Variants in GABBR2 observed in about 807,000 individuals in gnomAD.
GABBR2 encodes gamma-aminobutyric acid type B receptor subunit 2, also known as G-protein coupled receptor 51.
A neutral mutation model predicts 105.6 loss-of-function variants in GABBR2; 23 were observed. The observed-to-expected ratio is 0.22, with a 90% CI of 0.16 to 0.31. The LOEUF is 0.31. Among genes scored for constraint, GABBR2 ranks in the 10% least tolerant of loss-of-function variants. The pLI is 1.00. For missense variants in GABBR2, 734 were observed against 1,245.5 expected, an observed-to-expected ratio of 0.59 and a Z score of 6.18; for synonymous variants, 478 against 499.7, an observed-to-expected ratio of 0.96 and a Z score of 0.58.
chr9:98,523,335 T>G (rs913954313), intron 3 of GABBR2, among the ~76,000 whole-genome samples: 1 of 152,184 alleles, frequency 6.6e-6, no homozygotes, highest in South Asian at 2.1e-4. Context: ...AACAAGATAA[T>G]GGGATGCTCT....
At chr9:98,518,078 A>T (rs2808567) in intron 3 of GABBR2, among the ~76,000 whole-genome samples, 10 of 152,190 alleles carry the variant, frequency 6.6e-5, no homozygotes, top group African/African-American at 2.2e-4. Context: ...GGTATTTTTT[A>T]CCTTGGCTGC....
intron 11 of GABBR2, among the ~76,000 whole-genome samples, chr9:98,384,179 G>C (rs1158076950): frequency 6.6e-6 from 1 of 152,160 alleles, no homozygotes; most frequent in African/African-American, 2.4e-5. Context: ...ACTCTAAAGA[G>C]ACCCAGCTGG....
At chr9:98,542,634 AAT>A (rs1397408652) in intron 2 of GABBR2, among the ~76,000 whole-genome samples, 2 of 152,224 alleles carry the variant, frequency 1.3e-5, no homozygotes, top group African/African-American at 2.4e-5. Context: ...CCAGATAAAG[AAT>A]ATGAGTCTTT....
At chr9:98,520,579 C>T (rs1827848055) in intron 3 of GABBR2, among the ~76,000 whole-genome samples, 1 of 152,214 alleles carries the variant, frequency 6.6e-6, no homozygotes, top group South Asian at 2.1e-4. Context: ...ACGCCTGCTG[C>T]CCACGTCTGC....
At chr9:98,414,019 T>C (rs575758008) in intron 7 of GABBR2, among the ~76,000 whole-genome samples, 16 of 152,348 alleles carry the variant, frequency 1.1e-4, no homozygotes, top group African/African-American at 2.6e-4. Flanking sequence ...TGGGCACCTA[T>C]GATGTGCCAG....
intron 3 of GABBR2, among the ~76,000 whole-genome samples, chr9:98,535,908 A>G (rs778197342): frequency 1.1e-4 from 17 of 152,166 alleles, no homozygotes; most frequent in Non-Finnish European, 2.4e-4. Flanking sequence ...TGATGAATAC[A>G]TGTCATTACA....
At chr9:98,544,963 A>T (rs2033017542) in intron 2 of GABBR2, among the ~76,000 whole-genome samples, 1 of 152,172 alleles carries the variant, frequency 6.6e-6, no homozygotes, top group African/African-American at 2.4e-5. Flanking sequence ...TCCTATGCTC[A>T]CCAGTGGGAG....
chr9:98,472,493 C>T (rs1826703867), intron 6 of GABBR2, among the ~76,000 whole-genome samples: 1 of 152,128 alleles, frequency 6.6e-6, no homozygotes, highest in South Asian at 2.1e-4. Context: ...TAGTGGCTTG[C>T]ACCACCTGCC....
intron 5 of GABBR2, among the ~76,000 whole-genome samples, chr9:98,475,676 G>A (rs75927658): frequency 0.02 from 3,029 of 152,246 alleles, 50 homozygotes; most frequent in Non-Finnish European, 0.033. Context: ...TTGAAGTTCC[G>A]CTCTTAGTAA....
chr9:98,300,409 C>T (rs751969899), intron 16 of GABBR2, among the ~76,000 whole-genome samples: 3 of 152,108 alleles, frequency 2.0e-5, no homozygotes, highest in Non-Finnish European at 2.9e-5. Flanking sequence ...CCTCCCAAAG[C>T]GTTGGGATTA....
At chr9:98,324,118 C>T (rs1830876093) in intron 13 of GABBR2, among the ~76,000 whole-genome samples, 1 of 152,184 alleles carries the variant, frequency 6.6e-6, no homozygotes, top group African/African-American at 2.4e-5. Context: ...GAACCTCGAG[C>T]ATCTTGACTG....
intron 7 of GABBR2, among the ~76,000 whole-genome samples, chr9:98,428,862 T>A (rs1288640632): frequency 6.6e-6 from 1 of 152,132 alleles, no homozygotes; most frequent in Non-Finnish European, 1.5e-5. Context: ...GACCCAGAGA[T>A]GGAGAGCTGG....
At chr9:98,700,475 A>C (rs1830815531) in intron 1 of GABBR2, among the ~76,000 whole-genome samples, 1 of 152,102 alleles carries the variant, frequency 6.6e-6, no homozygotes, top group Non-Finnish European at 1.5e-5. Context: ...TGTAATGGAT[A>C]ATCTTGGCTC....
At chr9:98,533,556 A>C (rs543673035) in intron 3 of GABBR2, among the ~76,000 whole-genome samples, 1 of 152,316 alleles carries the variant, frequency 6.6e-6, no homozygotes, top group African/African-American at 2.4e-5. Context: ...CTCACTGAAC[A>C]TACCTGCACC....
At chr9:98,600,614 A>T (rs1829315523) in intron 1 of GABBR2, among the ~76,000 whole-genome samples, 1 of 152,258 alleles carries the variant, frequency 6.6e-6, no homozygotes, top group Admixed American at 6.5e-5. Flanking sequence ...GGGCTCAGTA[A>T]ACATCAGCTG....
intron 2 of GABBR2, among the ~76,000 whole-genome samples, chr9:98,564,937 A>G (rs1189445732): frequency 6.6e-6 from 1 of 152,166 alleles, no homozygotes; most frequent in Admixed American, 6.5e-5. Context: ...TAAGACTTGA[A>G]CTAAATATCA....
At chr9:98,535,793 C>T (rs988852506) in intron 3 of GABBR2, among the ~76,000 whole-genome samples, 10 of 152,072 alleles carry the variant, frequency 6.6e-5, no homozygotes, top group African/African-American at 1.4e-4. Context: ...GGCTACATTC[C>T]GTATGATTCC....
chr9:98,659,288 C>T (rs74992944), intron 1 of GABBR2, among the ~76,000 whole-genome samples: 2,321 of 152,186 alleles, frequency 0.015, 70 homozygotes, highest in African/African-American at 0.054. Context: ...TCCAGCTGAG[C>T]TATTTATTTT....
At chr9:98,411,760 G>T (rs982286212) in intron 7 of GABBR2, among the ~76,000 whole-genome samples, 6 of 152,050 alleles carry the variant, frequency 3.9e-5, no homozygotes, top group African/African-American at 1.4e-4. Flanking sequence ...TGTTGAGATA[G>T]GGGTCTCAGT....
Sources: gnomAD v4.1 joint callset for allele counts (sites outside exome capture counted in the v4.1 genomes callset) on GRCh38, gnomAD v4.1.1 for gene constraint, MANE v1.5 for transcripts, NCBI Gene and HGNC (gene_info 2026-07-23, HGNC 2026-07-21) for gene names.